Variants in FFAR1 observed in about 807,000 individuals in gnomAD.
FFAR1 encodes the protein G-protein coupled receptor 40.
For synonymous variants in FFAR1, 216 were observed against 201.5 expected, an observed-to-expected ratio of 1.07 and a Z score of -0.61; for missense variants, 424 against 396.2, an observed-to-expected ratio of 1.07 and a Z score of -0.60.
chr19:35,351,970 T>C (rs1401065221), exon 1 of FFAR1: 1 of 1,614,048 alleles, frequency 6.2e-7, no homozygotes, highest in East Asian at 2.2e-5. Flanking sequence ...CACCTGGGTC[T>C]GGTCTTTGGG....
At chr19:35,349,512 C>CGCTGCACCCCAGGT (rs1198819017), upstream of FFAR1, among the ~76,000 whole-genome samples, 2 of 152,218 alleles carry the variant, frequency 1.3e-5, no homozygotes, top group African/African-American at 2.4e-5. Flanking sequence ...TCACAGCGGG[C>CGCTGCACCCCAGGT]GCTGCACCCC....
chr19:35,350,678 C>G (rs932475219), upstream of FFAR1, among the ~76,000 whole-genome samples: 27 of 152,316 alleles, frequency 1.8e-4, no homozygotes, highest in African/African-American at 6.0e-4. Context: ...CACCTCCAGC[C>G]GGGATGCCCC....
upstream of FFAR1, among the ~76,000 whole-genome samples, chr19:35,350,839 G>A (rs1396171277): frequency 2.0e-5 from 3 of 152,206 alleles, no homozygotes; most frequent in Non-Finnish European, 2.9e-5. Context: ...GCACCAGGAG[G>A]TGGGTCCCTC....
chr19:35,352,486 G>A (rs762769438), exon 1 of FFAR1: 1 of 1,539,624 alleles, frequency 6.5e-7, no homozygotes, highest in South Asian at 1.2e-5. Context: ...GCATGGGGCA[G>A]GAGGGCCCGG....
At chr19:35,351,729 C>A (rs865873341) in exon 1 of FFAR1, 3 of 1,563,976 alleles carry the variant, frequency 1.9e-6, no homozygotes, top group Non-Finnish European at 2.6e-6. Context: ...AGTCTCTCTG[C>A]CCCTGAAGGC....
chr19:35,349,171 C>A (rs1311877419), upstream of FFAR1, among the ~76,000 whole-genome samples: 1 of 152,152 alleles, frequency 6.6e-6, no homozygotes, highest in Non-Finnish European at 1.5e-5. Flanking sequence ...ACAAAGCAGA[C>A]CAAAGCCTTT....
chr19:35,353,756 ACTTTT>A (rs1432495065), exon 1 of FFAR1: 2 of 152,286 alleles, frequency 1.3e-5, no homozygotes, highest in African/African-American at 4.8e-5. Flanking sequence ...TAATGTCATG[ACTTTT>A]CTTTGCTTCT....
At chr19:35,352,490 G>T in exon 1 of FFAR1, 1 of 1,536,496 alleles carries the variant, frequency 6.5e-7, no homozygotes, top group Non-Finnish European at 8.8e-7. Flanking sequence ...GGGGCAGGAG[G>T]GCCCGGCTGC....
chr19:35,351,642 A>G, exon 1 of FFAR1: 8 of 1,547,070 alleles, frequency 5.2e-6, no homozygotes, highest in Non-Finnish European at 6.1e-6. Context: ...CCGAGGCGCG[A>G]CGGCCCACGC....
At chr19:35,353,252 G>T in exon 1 of FFAR1, 1 of 152,330 alleles carries the variant, frequency 6.6e-6, no homozygotes, top group South Asian at 2.1e-4. Context: ...AGGCCGAGGC[G>T]GGAAGACTGC....
chr19:35,351,607 G>A, exon 1 of FFAR1: 2 of 1,541,776 alleles, frequency 1.3e-6, no homozygotes, highest in Non-Finnish European at 1.7e-6. Context: ...TTTGCGCTGG[G>A]CTTCCCGCTC....
chr19:35,352,716 C>G, exon 1 of FFAR1: 1 of 547,186 alleles, frequency 1.8e-6, no homozygotes, highest in Non-Finnish European at 3.3e-6. Flanking sequence ...TCTTTCTCTC[C>G]CCTCTGCACG....
chr19:35,352,147 C>A (rs1473053095), exon 1 of FFAR1: 7 of 1,610,430 alleles, frequency 4.3e-6, no homozygotes, highest in Non-Finnish European at 5.9e-6. Flanking sequence ...GCCATCACAG[C>A]CTTCTGCTAC....
chr19:35,350,444 C>G (rs1241575606), upstream of FFAR1, among the ~76,000 whole-genome samples: 1 of 152,194 alleles, frequency 6.6e-6, no homozygotes, highest in Non-Finnish European at 1.5e-5. Context: ...CCGGGACCTG[C>G]CCAGGGGTGC....
chr19:35,351,894 C>G (rs1184707720), exon 1 of FFAR1: 1 of 1,614,070 alleles, frequency 6.2e-7, no homozygotes, highest in Admixed American at 1.7e-5. Context: ...CTTGGGCTAC[C>G]AAGCCTTCCG....
At position 35,351,560 on chromosome 19, in the gene FFAR1, GC is replaced by G; in HGVS notation, c.14del (p.Pro5ArgfsTer42). 1 of 1,540,294 alleles carries G rather than the reference GC, an allele frequency of 6.5e-7. No homozygotes were observed. Reference sequence around the variant, plus strand: ...GCCAGGACGGCGGCCCCATGGACCTGCCCCCGCAGCTCTCCTTCGGCCTCTA... The same window carrying G: ...GCCAGGACGGCGGCCCCATGGACCTGCCCCGCAGCTCTCCTTCGGCCTCTA... On this transcript the variant is annotated frameshift_variant, in exon 1 of 1. Coordinates refer to ENST00000246553, the Ensembl canonical transcript of FFAR1. LOFTEE classifies it low-confidence loss of function (END_TRUNC).
At chr19:35,349,468 C>A (rs180708720), upstream of FFAR1, among the ~76,000 whole-genome samples, 124 of 152,372 alleles carry the variant, frequency 8.1e-4, no homozygotes, top group Non-Finnish European at 1.3e-3. Flanking sequence ...CAGTTCCCAA[C>A]AACACACTGA....
At chr19:35,351,651 G>A (rs1456826776) in exon 1 of FFAR1, 4 of 1,549,002 alleles carry the variant, frequency 2.6e-6, no homozygotes, top group African/African-American at 1.4e-5. Context: ...GACGGCCCAC[G>A]CCCGGCTCCG....
upstream of FFAR1, among the ~76,000 whole-genome samples, chr19:35,348,881 C>T (rs74350880): frequency 5.1e-4 from 77 of 152,326 alleles, 2 homozygotes; most frequent in East Asian, 0.011. Flanking sequence ...CTGGCTTAAG[C>T]TCCCTGGCAA....
Sources: allele counts gnomAD v4.1 joint callset (sites outside exome capture counted in the v4.1 genomes callset), GRCh38; gene constraint gnomAD v4.1.1; transcripts MANE v1.5; gene names NCBI Gene and HGNC (gene_info 2026-07-23, HGNC 2026-07-21).